Variants in SLC4A8 observed in about 807,000 individuals in gnomAD.
The protein encoded by SLC4A8 is electroneutral sodium bicarbonate exchanger 1.
In SLC4A8, 40 loss-of-function variants were observed where a neutral mutation model predicts 125.0. The observed-to-expected ratio is 0.32, with a 90% CI of 0.25 to 0.42. SLC4A8 has a LOEUF of 0.42. Ranked by LOEUF, SLC4A8 falls within the 10% of genes least tolerant of loss-of-function variation. The probability of loss-of-function intolerance (pLI) is 1.00; values close to 1 mark genes in which losing one functional copy is unlikely to be tolerated. For synonymous variants in SLC4A8, 456 were observed against 476.0 expected, an observed-to-expected ratio of 0.96 and a Z score of 0.55; for missense variants, 863 against 1,355.1, an observed-to-expected ratio of 0.64 and a Z score of 5.70.
intron 1 of SLC4A8, among the ~76,000 whole-genome samples, chr12:51,433,188 A>G (rs1464749745): frequency 6.6e-6 from 1 of 152,064 alleles, no homozygotes; most frequent in Non-Finnish European, 1.5e-5. Context: ...TAATTCATTC[A>G]TTTTTCAAGG....
Position 51,397,370 on chromosome 12 carries a change from C to T in SLC4A8, c.-112+5882C>T, listed in dbSNP as rs138591115. 1.3e-4 allele frequency among the ~76,000 whole-genome samples: 20 copies of T among 152,272 alleles called. No homozygotes were observed. In the East Asian group the frequency reaches 3.9e-3, roughly 29 times the overall value. Reference sequence around the variant, plus strand: ...ACTAATGAGTTTGCTTGCCTTAAAGCCAGGAGCTTGTATTTTTCCTTTTGC... The same window carrying T: ...ACTAATGAGTTTGCTTGCCTTAAAGTCAGGAGCTTGTATTTTTCCTTTTGC... On this transcript the variant is annotated intron_variant, in intron 1 of 24. Coordinates refer to the SLC4A8 transcript ENST00000358657.
At chr12:51,462,065 T>G (rs1201542177) in intron 9 of SLC4A8, 5 of 461,648 alleles carry the variant, frequency 1.1e-5, no homozygotes, top group East Asian at 4.2e-5. Flanking sequence ...AACTTTAGAC[T>G]CATGTCTTAT....
At chr12:51,400,751 T>TACACACACAC (rs1948361364) in intron 1 of SLC4A8, among the ~76,000 whole-genome samples, 1 of 2,916 alleles carries the variant, frequency 3.4e-4, no homozygotes, top group African/African-American at 1.6e-3. Context: ...TATATATATA[T>TACACACACAC]ATATATATAT....
At chr12:51,444,139 C>T (rs145205756) in intron 2 of SLC4A8, among the ~76,000 whole-genome samples, 25 of 152,014 alleles carry the variant, frequency 1.6e-4, no homozygotes, top group Admixed American at 1.6e-3. Context: ...AGGTAGAAGA[C>T]GGGGGCAAAG....
chr12:51,391,846 C>T, intron 1 of SLC4A8: 1 of 152,466 alleles, frequency 6.6e-6, no homozygotes, highest in Admixed American at 6.5e-5. Context: ...CCCGGGGGTG[C>T]GGTCTTTGCG....
At chr12:51,443,521 C>T (rs1228036424) in intron 2 of SLC4A8, among the ~76,000 whole-genome samples, 1 of 152,102 alleles carries the variant, frequency 6.6e-6, no homozygotes, top group African/African-American at 2.4e-5. Flanking sequence ...TGGACTTTCC[C>T]AGTCCCAGAG....
intron 22 of SLC4A8, chr12:51,501,941 C>T (rs1288007125): frequency 6.6e-6 from 1 of 152,172 alleles, no homozygotes; most frequent in African/African-American, 2.4e-5. Context: ...TTGTTGACTG[C>T]TTGTATGTCT....
At chr12:51,443,269 G>A (rs1272740015) in intron 2 of SLC4A8, among the ~76,000 whole-genome samples, 2 of 152,120 alleles carry the variant, frequency 1.3e-5, no homozygotes, top group African/African-American at 4.8e-5. Flanking sequence ...CTACAGGCAC[G>A]TGCCACCATG....
At chr12:51,405,744 A>C (rs1167428724) in intron 1 of SLC4A8, among the ~76,000 whole-genome samples, 1 of 152,256 alleles carries the variant, frequency 6.6e-6, no homozygotes, top group Admixed American at 6.5e-5. Flanking sequence ...GAAATGTACC[A>C]GGTCAAAGGT....
At chr12:51,484,864 A>G (rs973834147) in intron 16 of SLC4A8, among the ~76,000 whole-genome samples, 1 of 152,068 alleles carries the variant, frequency 6.6e-6, no homozygotes, top group African/African-American at 2.4e-5. Flanking sequence ...GGAGGTGGCC[A>G]ATTTTAAGTG....
chr12:51,422,479 T>G (rs1195479928), upstream of SLC4A8, among the ~76,000 whole-genome samples: 1 of 152,168 alleles, frequency 6.6e-6, no homozygotes, highest in African/African-American at 2.4e-5. Context: ...TTCAGCTTCC[T>G]GAGGGGCTGG....
chr12:51,498,613 G>T (rs1444845550), intron 22 of SLC4A8, among the ~76,000 whole-genome samples: 1 of 150,184 alleles, frequency 6.7e-6, no homozygotes, highest in Non-Finnish European at 1.5e-5. Context: ...GGGCGCGGTG[G>T]CTCATGCCTA....
intron 16 of SLC4A8, chr12:51,480,445 C>T: frequency 1.8e-6 from 2 of 1,103,144 alleles, no homozygotes; most frequent in Non-Finnish European, 2.2e-6. Flanking sequence ...ATTGGGTCAA[C>T]TGATTATCAG....
intron 14 of SLC4A8, among the ~76,000 whole-genome samples, 161 bp from the exon 15 acceptor site, chr12:51,474,181 G>A (rs955418316): frequency 2.0e-5 from 3 of 152,302 alleles, no homozygotes; most frequent in Admixed American, 2.0e-4. Context: ...TGAAAAATTA[G>A]AATGTGATGG....
intron 10 of SLC4A8, 130 bp downstream of exon 10, chr12:51,462,586 C>CA: frequency 1.5e-6 from 1 of 665,750 alleles, no homozygotes; most frequent in Non-Finnish European, 2.3e-6. Context: ...CCTAGAATAT[C>CA]AAAACAATAA....
intron 17 of SLC4A8, among the ~76,000 whole-genome samples, chr12:51,488,255 A>C (rs533509044): frequency 1.5e-4 from 23 of 152,350 alleles, no homozygotes; most frequent in African/African-American, 5.1e-4. Flanking sequence ...ACAAGGAGAC[A>C]GGAATTCAGC....
chr12:51,486,777 TTC>T (rs1300154317), intron 17 of SLC4A8, among the ~76,000 whole-genome samples: 3 of 152,244 alleles, frequency 2.0e-5, no homozygotes, highest in African/African-American at 7.2e-5. Flanking sequence ...TTTCTCTTTT[TTC>T]TCTCTACCCA....
At chr12:51,434,870 A>G (rs1221569257) in intron 1 of SLC4A8, among the ~76,000 whole-genome samples, 1 of 152,186 alleles carries the variant, frequency 6.6e-6, no homozygotes, top group Non-Finnish European at 1.5e-5. Context: ...TTTATGAGAA[A>G]ACATCTGATC....
intron 1 of SLC4A8, among the ~76,000 whole-genome samples, chr12:51,433,404 T>TTCCTTCCTTCCTTTCC (rs1425094561): frequency 6.6e-6 from 1 of 152,182 alleles, no homozygotes; most frequent in Non-Finnish European, 1.5e-5. Flanking sequence ...CCTTCCTTTC[T>TTCCTTCCTTCCTTTCC]TCCTTCCTTC....
Sources: gnomAD v4.1 joint callset for allele counts (sites outside exome capture counted in the v4.1 genomes callset) on GRCh38, gnomAD v4.1.1 for gene constraint, MANE v1.5 for transcripts, NCBI Gene and HGNC (gene_info 2026-07-23, HGNC 2026-07-21) for gene names.